The following LATS2 variants were observed in gnomAD, a reference collection of about 807,000 sequenced individuals.
LATS2 encodes large tumor suppressor kinase 2.
Under a neutral mutation model 76.0 loss-of-function variants are expected in LATS2, and 24 were observed. The observed-to-expected ratio is 0.32, with a 90% confidence interval of 0.23 to 0.44. The LOEUF (loss-of-function observed/expected upper bound fraction) is 0.44, where lower values mean the gene tolerates loss of function less well. LATS2 is among the 20% of genes least tolerant of loss of function. The pLI, the probability that LATS2 is intolerant of heterozygous loss-of-function variation, is 1.00. For synonymous variants in LATS2, 692 were observed against 635.4 expected (o/e 1.09, Z -1.34); for missense variants, 1,286 against 1,481.2 (o/e 0.87, Z 2.16).
chr13:21,012,109 G>A (rs754616027), intron 2 of LATS2, among the ~76,000 whole-genome samples: 5 of 152,124 alleles, frequency 3.3e-5, no homozygotes, highest in African/African-American at 4.8e-5. Flanking sequence ...CACAGCCTGA[G>A]ATTGTAGTGA....
At chr13:21,060,563 G>C (rs1873603913) in intron 1 of LATS2, among the ~76,000 whole-genome samples, 1 of 152,074 alleles carries the variant, frequency 6.6e-6, no homozygotes, top group South Asian at 2.1e-4. Context: ...CGGGAGGAAC[G>C]GCGCCCCCAG....
At position 20,975,148 on chromosome 13, in the gene LATS2, TG is replaced by T; in HGVS notation, c.2988del (p.Met997TrpfsTer9). ...ACGGGGTCGAAATTCGAGGTGTCCA[TG>T]GGGTGGCTGATGGTGGGAACGTAGG... Reference protein sequence around the residue: ...PAPYVPTISHPMDTSNFDPVD... With the variant: ...PAPYVPTISHXMDTSNFDPVD... On this transcript the variant is annotated frameshift_variant, in exon 8 of 8. Transcript: ENST00000382592. LOFTEE classifies it low-confidence loss of function (END_TRUNC). 1.9e-6 allele frequency: 3 copies of T among 1,614,136 alleles called. No homozygotes were observed. The highest frequency in any genetic ancestry group is 2.5e-6 in the Non-Finnish European group (3 of 1,180,022).
intron 2 of LATS2, among the ~76,000 whole-genome samples, chr13:21,044,381 C>A (rs1038028918): frequency 2.0e-5 from 3 of 152,132 alleles, no homozygotes; most frequent in Non-Finnish European, 1.5e-5. Context: ...TCTAAGAAAC[C>A]AGAAGTGCTC....
chr13:20,989,276 C>G lies in LATS2; in HGVS notation c.504G>C (p.Thr168=). The G allele has an allele frequency of 3.1e-6, 5 of 1,613,952 alleles. No individual in the cohort carries two copies. In the Admixed American group the frequency reaches 8.3e-5, roughly 27 times the overall value. ...CGGTTCCTTCGAAGCTGGGCCTCCG[C>G]GTCACTGGGGTTGGCATGAGCCCCT... ...PGKGLMPTPV[T]RRPSFEGTGD... is the part of the protein sequence containing the mutation. The change falls in exon 4 of 8, where the codon ACG becomes ACC. Residue 168 remains threonine (T), a synonymous_variant. Coordinates refer to ENST00000382592, the MANE Select transcript of LATS2 (RefSeq NM_014572.3).
chr13:21,028,073 C>G (rs1459076792), intron 2 of LATS2, among the ~76,000 whole-genome samples: 1 of 152,070 alleles, frequency 6.6e-6, no homozygotes, highest in Non-Finnish European at 1.5e-5. Flanking sequence ...AATGCTATCC[C>G]TCCCCCTTCC....
At chr13:21,050,257 T>C (rs1223000719) in intron 1 of LATS2, among the ~76,000 whole-genome samples, 12 of 151,958 alleles carry the variant, frequency 7.9e-5, no homozygotes, top group African/African-American at 2.9e-4. Context: ...ATTTAACATA[T>C]ATTTTTTAAA....
At chr13:21,043,030 A>G (rs1872938754) in intron 2 of LATS2, among the ~76,000 whole-genome samples, 1 of 150,318 alleles carries the variant, frequency 6.7e-6, no homozygotes, top group Non-Finnish European at 1.5e-5. Flanking sequence ...AAAGGGGTAA[A>G]GCTGCAACAA....
intron 3 of LATS2, among the ~76,000 whole-genome samples, chr13:20,990,486 TTA>T (rs1478018412): frequency 1.4e-4 from 20 of 139,218 alleles, no homozygotes; most frequent in Non-Finnish European, 2.7e-4. Context: ...TTTTTTTTTT[TTA>T]AATACAGACG....
At chr13:21,027,632 A>C (rs1236898109) in intron 2 of LATS2, among the ~76,000 whole-genome samples, 2 of 152,118 alleles carry the variant, frequency 1.3e-5, no homozygotes, top group Non-Finnish European at 2.9e-5. Context: ...AGCTTTAGAG[A>C]CTACCCACAA....
At chr13:21,024,163 G>GT (rs1872209098) in intron 2 of LATS2, among the ~76,000 whole-genome samples, 1 of 150,988 alleles carries the variant, frequency 6.6e-6, no homozygotes, top group Non-Finnish European at 1.5e-5. Flanking sequence ...GCCGGGCATA[G>GT]TGGCTCACAC....
chr13:20,998,954 G>A (rs1365406425), intron 2 of LATS2, among the ~76,000 whole-genome samples: 1 of 151,794 alleles, frequency 6.6e-6, no homozygotes, highest in African/African-American at 2.4e-5. Context: ...CGGCGCAAGG[G>A]CCCTGGTGAC....
In LATS2 at chr13:20,988,316, C is replaced by T. The variant is rs1264860324; in HGVS notation, c.1464G>A (p.Glu488=). Residue 488 remains glutamate, a synonymous_variant, in exon 4 of 8, where the codon GAG becomes GAA. Transcript: ENST00000382592. The part of the protein sequence containing the change: ...APAAEGLDAK[E]EHALALGGAG... ...CGCCGCCCAGCGCCAGGGCATGCTC[C>T]TCCTTGGCGTCCAAGCCCTCCGCAG... The T allele has an allele frequency of 6.7e-6, 10 of 1,495,660 alleles. No individual in the cohort carries two copies. Among genetic ancestry groups the T allele is most frequent in the Non-Finnish European group, 8.9e-6 (10 of 1,123,968 alleles). 92.6% of individuals were successfully genotyped at this position (1,495,660 alleles called of 1,614,324 possible).
chr13:20,993,736 G>A (rs2138301762), intron 2 of LATS2, among the ~76,000 whole-genome samples: 2 of 152,230 alleles, frequency 1.3e-5, no homozygotes, highest in Middle Eastern at 6.8e-3. Flanking sequence ...ACCCCACCTG[G>A]GACAGGAGAT....
At chr13:21,023,148 G>C (rs1266380315) in intron 2 of LATS2, 1 of 85,054 alleles carries the variant, frequency 1.2e-5, no homozygotes, top group African/African-American at 5.6e-5. Flanking sequence ...CTGCATCGAG[G>C]GCTCCGGGCT....
intron 1 of LATS2, among the ~76,000 whole-genome samples, chr13:21,055,440 CAAAA>C (rs1179442559): frequency 6.6e-6 from 1 of 152,130 alleles, no homozygotes; most frequent in Non-Finnish European, 1.5e-5. Flanking sequence ...ACTCACAAAA[CAAAA>C]ACACCTCATT....
intron 1 of LATS2, among the ~76,000 whole-genome samples, chr13:21,048,531 T>G (rs1595257017): frequency 2.0e-5 from 3 of 152,176 alleles, no homozygotes; most frequent in East Asian, 3.9e-4. Context: ...TACAAACATT[T>G]ATTAAATACC....
At chr13:21,000,378 C>CATAATAATA (rs746861687) in intron 2 of LATS2, among the ~76,000 whole-genome samples, 152 of 150,764 alleles carry the variant, frequency 1.0e-3, no homozygotes, top group African/African-American at 3.6e-3. Flanking sequence ...AAGACTCTGT[C>CATAATAATA]ATAATAATAA....
chr13:21,036,635 T>TG (rs1279798468), intron 2 of LATS2, among the ~76,000 whole-genome samples: 1 of 151,906 alleles, frequency 6.6e-6, no homozygotes, highest in Non-Finnish European at 1.5e-5. Flanking sequence ...TAGCCCGGCA[T>TG]GGTGGCGCGT....
chr13:21,033,809 C>A (rs1159618726), intron 2 of LATS2, among the ~76,000 whole-genome samples: 1 of 151,556 alleles, frequency 6.6e-6, no homozygotes, highest in Non-Finnish European at 1.5e-5. Context: ...AGAAATTTGT[C>A]ACTGTTAATC....
Sources: allele counts gnomAD v4.1 joint callset (sites outside exome capture counted in the v4.1 genomes callset), GRCh38; gene constraint gnomAD v4.1.1; transcripts MANE v1.5; gene names NCBI Gene and HGNC (gene_info 2026-07-23, HGNC 2026-07-21).